The following ITSN1 variants were observed in gnomAD, a reference collection of about 807,000 sequenced individuals.
ITSN1 encodes the protein intersectin-1.
ITSN1 carries 58 observed loss-of-function variants against 239.8 expected under a neutral mutation model. That is an observed-to-expected ratio of 0.24 (90% CI 0.20 to 0.30). The LOEUF is 0.30. Ranked by LOEUF, ITSN1 falls within the 10% of genes least tolerant of loss-of-function variation. ITSN1 has a pLI of 1.00. For missense variants in ITSN1, 1,558 were observed against 2,103.3 expected, an observed-to-expected ratio of 0.74 and a Z score of 5.07; for synonymous variants, 780 against 770.8, an observed-to-expected ratio of 1.01 and a Z score of -0.20.
chr21:33,861,980 G>C (rs12626378), intron 31 of ITSN1, among the ~76,000 whole-genome samples: 68,474 of 109,692 alleles, frequency 0.62, 22,015 homozygotes, highest in East Asian at 0.91. Context: ...AAAAAGAAAC[G>C]TCATCTCTAC....
intron 1 of ITSN1, among the ~76,000 whole-genome samples, chr21:33,690,793 ATATATATATATATATATATATG>A (rs1255279275): frequency 0.069 from 1,463 of 21,218 alleles, 315 homozygotes; most frequent in Non-Finnish European, 0.082. Flanking sequence ...ATATATACAT[ATATATATATATATATATATATG>A]TATATATATA....
At chr21:33,822,189 A>G (rs2073720075) in intron 24 of ITSN1, among the ~76,000 whole-genome samples, 1 of 152,226 alleles carries the variant, frequency 6.6e-6, no homozygotes, top group South Asian at 2.1e-4. Context: ...TTGTTGCTCC[A>G]GGGGCTGCCC....
chr21:33,826,140 C>T (rs1391099217), intron 25 of ITSN1, among the ~76,000 whole-genome samples: 1 of 152,184 alleles, frequency 6.6e-6, no homozygotes, highest in Admixed American at 6.5e-5. Context: ...AATTCAACCC[C>T]AGAGCACTTT....
rs77666656 is a variant in ITSN1 at position 33,745,280 on chromosome 21, C to T, written c.347-4863C>T. On this transcript the variant is annotated intron_variant, in intron 5 of 39. Coordinates refer to ENST00000381318, the MANE Select transcript of ITSN1 (RefSeq NM_003024.3). The stretch of plus-strand genomic sequence containing the variant: ...GAGAATGCAATCAGCAAAATCCAGA[C>T]TGGGAAACTCCACAGGTCACATGGC... 1.0e-2 allele frequency among the ~76,000 whole-genome samples: 1,518 copies of T among 152,262 alleles called. 28 individuals are homozygous for T. Among genetic ancestry groups the T allele is most frequent in the African/African-American group, 0.034 (1,426 of 41,544 alleles).
Position 33,730,503 on chromosome 21 carries a change from G to A in ITSN1, c.186-4541G>A, listed in dbSNP as rs539551400. On this transcript the variant is annotated intron_variant, in intron 4 of 39. Transcript: ENST00000381318. ...TGCAACCTCCATCTCCTAGGTTTAA[G>A]CAACTCTCTGCCTCAGCCTCCTGAG... Among the ~76,000 whole-genome samples, 5 of 135,214 alleles carry A rather than the reference G, an allele frequency of 3.7e-5. No individual in the cohort carries two copies. In the South Asian group the frequency reaches 1.0e-3, roughly 28 times the overall value. 88.7% of individuals were successfully genotyped at this position (135,214 alleles called of 152,430 possible).
At chr21:33,850,007 C>T (rs886948196) in intron 29 of ITSN1, among the ~76,000 whole-genome samples, 11 of 152,156 alleles carry the variant, frequency 7.2e-5, no homozygotes, top group African/African-American at 2.4e-4. Flanking sequence ...CTGAAGCATA[C>T]CTACCACAGA....
chr21:33,811,371 A>T, intron 21 of ITSN1, 149 bp downstream of exon 21: 1 of 674,094 alleles, frequency 1.5e-6, no homozygotes, highest in Non-Finnish European at 2.4e-6. Context: ...TAGCTGGCGA[A>T]TTGGAGATTA....
At chr21:33,860,878 T>C (rs1287303556) in intron 31 of ITSN1, among the ~76,000 whole-genome samples, 3 of 152,192 alleles carry the variant, frequency 2.0e-5, no homozygotes, top group Non-Finnish European at 1.5e-5. Context: ...CTGCCTACCA[T>C]GCACGGTCAT....
chr21:33,721,393 T>A (rs2065471357), intron 3 of ITSN1, 123 bp downstream of exon 3: 2 of 665,714 alleles, frequency 3.0e-6, no homozygotes, highest in Non-Finnish European at 5.3e-6. Context: ...TGTTTTGCCC[T>A]AACCTTGTGC....
chr21:33,814,244 G>T, intron 22 of ITSN1, 172 bp downstream of exon 22: 2 of 536,914 alleles, frequency 3.7e-6, no homozygotes, highest in Non-Finnish European at 6.4e-6. Context: ...GAATAGTTGG[G>T]AGTTGGGGGT....
At chr21:33,740,575 T>C (rs1021810751) in intron 5 of ITSN1, among the ~76,000 whole-genome samples, 1 of 152,168 alleles carries the variant, frequency 6.6e-6, no homozygotes, top group African/African-American at 2.4e-5. Context: ...ACAAGCAGTT[T>C]CAGTATAGTG....
At chr21:33,869,949 C>T (rs1457153534) in intron 33 of ITSN1, among the ~76,000 whole-genome samples, 2 of 152,118 alleles carry the variant, frequency 1.3e-5, no homozygotes, top group African/African-American at 2.4e-5. Flanking sequence ...ACACCAGTAC[C>T]TCCTATTCTA....
At chr21:33,765,851 T>C in intron 9 of ITSN1, 24 bp from the exon 10 acceptor site, 1 of 1,612,860 alleles carries the variant, frequency 6.2e-7, no homozygotes, top group Non-Finnish European at 8.5e-7. Context: ...GAAACCGGAT[T>C]ACAGTTAACT....
At chr21:33,731,911 G>A (rs2066211397) in intron 4 of ITSN1, among the ~76,000 whole-genome samples, 1 of 152,192 alleles carries the variant, frequency 6.6e-6, no homozygotes. Context: ...GAGATCCTGA[G>A]ACCATTTGCC....
intron 16 of ITSN1, among the ~76,000 whole-genome samples, chr21:33,791,274 G>C (rs1456819772): frequency 6.6e-6 from 1 of 152,190 alleles, no homozygotes; most frequent in Non-Finnish European, 1.5e-5. Flanking sequence ...TGAAGGAAAT[G>C]ATAGAAAAAC....
chr21:33,816,799 G>T (rs1351927690), intron 22 of ITSN1, among the ~76,000 whole-genome samples: 1 of 152,154 alleles, frequency 6.6e-6, no homozygotes, highest in Non-Finnish European at 1.5e-5. Flanking sequence ...AAAATGGAAG[G>T]TCGAGAATAT....
rs766927126 is a variant in ITSN1, at chr21:33,865,113, G to A, written c.3891-38G>A. 1.6e-5 allele frequency: 26 copies of A among 1,585,428 alleles called. No individual in the cohort carries two copies. The highest frequency in any genetic ancestry group is 4.0e-5 in the African/African-American group (3 of 74,494). The stretch of plus-strand genomic sequence containing the variant: ...GTGTGCTGTGGTGCTGTCAGATAGC[G>A]TGAAAGCAGGGGGCTCACCTCCCGT... On this transcript the variant is annotated intron_variant, in intron 31 of 39. Coordinates refer to ENST00000381318, the MANE Select transcript of ITSN1 (RefSeq NM_003024.3). The surrounding 1 kb of genome is among the most constrained non-coding windows in gnomAD (Gnocchi z 4.4).
intron 20 of ITSN1, among the ~76,000 whole-genome samples, chr21:33,806,227 A>C (rs2072438565): frequency 6.6e-6 from 1 of 152,008 alleles, no homozygotes; most frequent in South Asian, 2.1e-4. Context: ...AAAGACTTTT[A>C]ATATCCTCAT....
chr21:33,845,275 C>T (rs1311427724), intron 29 of ITSN1, among the ~76,000 whole-genome samples: 3 of 151,798 alleles, frequency 2.0e-5, no homozygotes. Context: ...GGAGGCACGT[C>T]CAAAGATCAA....
Sources: gnomAD v4.1 joint callset for allele counts (sites outside exome capture counted in the v4.1 genomes callset) on GRCh38, gnomAD v4.1.1 for gene constraint, Gnocchi (gnomAD v3.1) non-coding constraint, MANE v1.5 for transcripts, NCBI Gene and HGNC (gene_info 2026-07-23, HGNC 2026-07-21) for gene names.